The following PDIA4 variants were observed in gnomAD, a reference collection of about 807,000 sequenced individuals.
The protein encoded by PDIA4 is protein disulfide isomerase family A member 4, also known as protein disulfide-isomerase A4.
In PDIA4, 33 loss-of-function variants were observed where a neutral mutation model predicts 62.1. That is an observed-to-expected ratio of 0.53 (90% CI 0.40 to 0.71). PDIA4 has a LOEUF of 0.71. PDIA4 is among the 30% of genes least tolerant of loss of function. The pLI, the probability that PDIA4 is intolerant of heterozygous loss-of-function variation, is 0.00. For missense variants in PDIA4, 804 were observed against 813.6 expected (o/e 0.99, Z 0.14); for synonymous variants, 341 against 324.1 (o/e 1.05, Z -0.56).
rs1284630966 is a variant in PDIA4 at position 149,011,866 on chromosome 7, T to C, written c.959A>G (p.Tyr320Cys). Residue 320 changes from tyrosine to cysteine, a missense_variant, in exon 6 of 10, where the codon TAC becomes TGC. By Grantham distance (194) the Tyr-to-Cys change is radical. Transcript: ENST00000652332. ...CTCACCGGCATCCTGGTATTGCTGGTAGGCTGGGTCACTCTCCCCCTTAAA... is the reference window on the plus strand; with the variant it reads ...CTCACCGGCATCCTGGTATTGCTGGCAGGCTGGGTCACTCTCCCCCTTAAA... ...GVFKGESDPA[Y>C]QQYQDAANNL... 1.3e-6 allele frequency: 2 copies of C among 1,578,306 alleles called. No individual in the cohort carries two copies. Among genetic ancestry groups the C allele is most frequent in the Non-Finnish European group, 1.7e-6 (2 of 1,161,496 alleles).
At chr7:149,019,983 TAG>T (rs1373917542) in intron 2 of PDIA4, among the ~76,000 whole-genome samples, 2 of 152,184 alleles carry the variant, frequency 1.3e-5, no homozygotes, top group Admixed American at 1.3e-4. Flanking sequence ...TATAACCTCA[TAG>T]AGTCTTGCTC....
intron 9 of PDIA4, among the ~76,000 whole-genome samples, chr7:149,004,425 T>C (rs1176160684): frequency 2.0e-5 from 3 of 152,172 alleles, no homozygotes; most frequent in African/African-American, 7.2e-5. Flanking sequence ...CCAGACCTAA[T>C]GGGCCATCGG....
chr7:149,018,368 A>C (rs941542806), intron 3 of PDIA4, among the ~76,000 whole-genome samples: 21 of 152,252 alleles, frequency 1.4e-4, no homozygotes, highest in African/African-American at 4.6e-4. Flanking sequence ...CTTGCTAAAC[A>C]TTAAGAACCA....
chr7:149,014,794 C>G, intron 4 of PDIA4, 110 bp downstream of exon 4: 2 of 983,838 alleles, frequency 2.0e-6, no homozygotes, highest in South Asian at 1.5e-5. Flanking sequence ...GCCTACAACT[C>G]GTGCCCACCT....
intron 6 of PDIA4, among the ~76,000 whole-genome samples, chr7:149,010,269 G>A (rs1241137646): frequency 4.6e-5 from 7 of 152,150 alleles, no homozygotes. Flanking sequence ...GGAGGCCGAG[G>A]CAGGAGGATC....
chr7:149,025,085 A>AAATAT (rs1554446854), intron 1 of PDIA4, among the ~76,000 whole-genome samples: 1 of 22,336 alleles, frequency 4.5e-5, no homozygotes, highest in African/African-American at 6.1e-5. Flanking sequence ...AAAAAAAAAA[A>AAATAT]ATATATATAT....
intron 6 of PDIA4, among the ~76,000 whole-genome samples, chr7:149,008,642 A>C (rs1427745976): frequency 6.6e-6 from 1 of 151,856 alleles, no homozygotes; most frequent in East Asian, 1.9e-4. Flanking sequence ...GGTGAGGTGG[A>C]CGTTGTAGTG....
chr7:149,025,849 C>T (rs904397051), intron 1 of PDIA4, among the ~76,000 whole-genome samples: 15 of 152,110 alleles, frequency 9.9e-5, no homozygotes, highest in Non-Finnish European at 1.5e-5. Flanking sequence ...ACTTTTAAAT[C>T]TAAACAAACC....
intron 1 of PDIA4, 23 bp from the exon 2 acceptor site, chr7:149,021,170 G>C: frequency 1.3e-6 from 2 of 1,555,434 alleles, no homozygotes; most frequent in Non-Finnish European, 1.7e-6. Context: ...CACCCAGACT[G>C]GTTACAAAGC....
chr7:149,021,146 A>G lies in PDIA4; in HGVS notation c.90T>C (p.Asp30=), dbSNP rs543949796. ...CAATGGCATTTTCTCTGTTAGAAGAATCTGAGTGGAAAACACCCAGACTGG... is the reference window on the plus strand; with the variant it reads ...CAATGGCATTTTCTCTGTTAGAAGAGTCTGAGTGGAAAACACCCAGACTGG... The part of the protein sequence containing the change: ...AVAGAEGPDE[D]SSNRENAIED... The change falls in exon 2 of 10, where the codon GAT becomes GAC. Residue 30 remains aspartate (D), a splice_region_variant and synonymous_variant. Transcript: ENST00000652332. 1 of 1,578,826 alleles carries G rather than the reference A, an allele frequency of 6.3e-7. No individual in the cohort carries two copies. The highest frequency in any genetic ancestry group is 1.4e-5 in the African/African-American group (1 of 73,970).
intron 3 of PDIA4, among the ~76,000 whole-genome samples, chr7:149,016,941 C>T (rs1285799935): frequency 6.6e-6 from 1 of 152,206 alleles, no homozygotes; most frequent in Non-Finnish European, 1.5e-5. Context: ...CACTAAATAT[C>T]AACGGAAGCA....
intron 1 of PDIA4, among the ~76,000 whole-genome samples, chr7:149,021,850 G>A (rs1016965757): frequency 2.0e-5 from 3 of 152,072 alleles, no homozygotes; most frequent in Admixed American, 6.5e-5. Flanking sequence ...CACCCTCTGC[G>A]GTCTTCCCGG....
intron 7 of PDIA4, chr7:149,006,371 G>A (rs990792444): frequency 1.5e-5 from 4 of 272,638 alleles, no homozygotes; most frequent in Non-Finnish European, 2.8e-5. Context: ...GACAGGAAGG[G>A]TTATCACGGG....
At chr7:149,015,653 C>T (rs1172389781) in intron 3 of PDIA4, among the ~76,000 whole-genome samples, 1 of 152,172 alleles carries the variant, frequency 6.6e-6, no homozygotes, top group Non-Finnish European at 1.5e-5. Flanking sequence ...TAAATTCGTA[C>T]AAAAAATGTG....
chr7:149,024,814 TA>T (rs539798193), intron 1 of PDIA4, among the ~76,000 whole-genome samples: 1,088 of 89,242 alleles, frequency 0.012, 6 homozygotes, highest in African/African-American at 0.026. Context: ...GACTGTCATT[TA>T]AAAAAAAAAA....
At chr7:149,020,827 A>G (rs1824319262) in intron 2 of PDIA4, 140 bp downstream of exon 2, 1 of 1,356,364 alleles carries the variant, frequency 7.4e-7, no homozygotes, top group East Asian at 2.5e-5. Flanking sequence ...GTGAGCTCCC[A>G]GCGTTCTTAA....
At chr7:149,010,266 G>A (rs997723445) in intron 6 of PDIA4, among the ~76,000 whole-genome samples, 1 of 152,130 alleles carries the variant, frequency 6.6e-6, no homozygotes, top group Non-Finnish European at 1.5e-5. Context: ...GTGGGAGGCC[G>A]AGGCAGGAGG....
Position 149,025,147 on chromosome 7 carries a change from A to G in PDIA4, c.88+3174T>C, listed in dbSNP as rs968573253. 5.3e-5 allele frequency among the ~76,000 whole-genome samples: 8 copies of G among 150,420 alleles called. No homozygotes were observed. The Admixed American group carries it at 5.3e-4, about 10-fold the overall frequency. On this transcript the variant is annotated intron_variant, in intron 1 of 9. Coordinates refer to ENST00000652332, the MANE Select transcript of PDIA4 (RefSeq NM_004911.5). ...TTTCAGCACCCTCTGAAAAGATGCAACCTTCCTCAGCATGAGACAAATGAA... is the reference window on the plus strand; with the variant it reads ...TTTCAGCACCCTCTGAAAAGATGCAGCCTTCCTCAGCATGAGACAAATGAA...
intron 4 of PDIA4, among the ~76,000 whole-genome samples, chr7:149,013,795 A>G (rs973245891): frequency 6.6e-6 from 1 of 152,198 alleles, no homozygotes; most frequent in Admixed American, 6.5e-5. Flanking sequence ...AGGCATCATC[A>G]ACCACTTCAG....
Sources: allele counts gnomAD v4.1 joint callset (sites outside exome capture counted in the v4.1 genomes callset), GRCh38; gene constraint gnomAD v4.1.1; transcripts MANE v1.5; gene names NCBI Gene and HGNC (gene_info 2026-07-23, HGNC 2026-07-21).